Variants in SLC25A21 observed in about 807,000 individuals in gnomAD.
The protein encoded by SLC25A21 is solute carrier family 25 member 21.
Under a neutral mutation model 43.8 loss-of-function variants are expected in SLC25A21, and 47 were observed. The observed-to-expected ratio is 1.07, with a 90% CI of 0.85 to 1.37. The LOEUF is 1.37. SLC25A21 is among the 40% of genes most tolerant of loss of function. The probability of loss-of-function intolerance (pLI) is 0.00; values close to 1 mark genes in which losing one functional copy is unlikely to be tolerated. For missense variants in SLC25A21, 352 were observed against 350.2 expected (o/e 1.00, Z -0.04); for synonymous variants, 131 against 121.3 (o/e 1.08, Z -0.52).
At chr14:37,012,975 A>G (rs570492825) in intron 1 of SLC25A21, among the ~76,000 whole-genome samples, 34 of 152,372 alleles carry the variant, frequency 2.2e-4, no homozygotes, top group African/African-American at 7.9e-4. Context: ...AGAGCATGGT[A>G]TCAGACTTCT....
intron 7 of SLC25A21, among the ~76,000 whole-genome samples, chr14:36,696,302 C>T (rs1296371901): frequency 2.0e-5 from 3 of 151,672 alleles, no homozygotes; most frequent in African/African-American, 7.3e-5. Flanking sequence ...CTGCTGGATT[C>T]GGTTTGCCAG....
intron 1 of SLC25A21, among the ~76,000 whole-genome samples, chr14:37,144,941 T>C (rs1360606467): frequency 6.6e-6 from 1 of 151,714 alleles, no homozygotes; most frequent in Non-Finnish European, 1.5e-5. Flanking sequence ...GTTGTTGTTG[T>C]TGTTGTTGTT....
At chr14:36,943,075 G>C (rs1451923780) in intron 1 of SLC25A21, among the ~76,000 whole-genome samples, 1 of 152,168 alleles carries the variant, frequency 6.6e-6, no homozygotes, top group Non-Finnish European at 1.5e-5. Context: ...GCCAGAGAGA[G>C]TCACACATCA....
chr14:36,973,875 G>T (rs746547835), intron 1 of SLC25A21, among the ~76,000 whole-genome samples: 8 of 152,158 alleles, frequency 5.3e-5, no homozygotes, highest in Non-Finnish European at 8.8e-5. Flanking sequence ...GGCAGAATGA[G>T]AAGTAAGTGG....
In SLC25A21 at chr14:36,820,773, C is replaced by G. The variant is rs774680894; in HGVS notation, c.120-6772G>C. Among the ~76,000 whole-genome samples, 84 of 152,112 alleles carry G rather than the reference C, an allele frequency of 5.5e-4. 1 individual carries two copies. The highest frequency in any genetic ancestry group is 1.6e-4 in the Non-Finnish European group (11 of 68,022). On this transcript the variant is annotated intron_variant, in intron 2 of 9. Transcript: ENST00000331299. The stretch of plus-strand genomic sequence containing the variant: ...GGAGACTGCTAGAAAAAGTTGTATA[C>G]TGATAATAAGTGGTGATGAGCCTAA...
chr14:36,705,224 T>G (rs1027620191), intron 7 of SLC25A21, among the ~76,000 whole-genome samples: 1 of 151,994 alleles, frequency 6.6e-6, no homozygotes, highest in Non-Finnish European at 1.5e-5. Flanking sequence ...TTTTTGTATT[T>G]TTAGTAGAGA....
chr14:36,850,809 A>C (rs999459945), intron 2 of SLC25A21, among the ~76,000 whole-genome samples: 2 of 152,182 alleles, frequency 1.3e-5, no homozygotes, highest in African/African-American at 4.8e-5. Flanking sequence ...CTATTTAAGA[A>C]GCAATATTTT....
chr14:37,052,408 G>C (rs1419346369), intron 1 of SLC25A21, among the ~76,000 whole-genome samples: 8 of 152,180 alleles, frequency 5.3e-5, no homozygotes, highest in African/African-American at 1.9e-4. Context: ...TGACTCTTAA[G>C]GGAAGGGGCA....
At chr14:36,916,488 C>T (rs1256023816) in intron 1 of SLC25A21, among the ~76,000 whole-genome samples, 2 of 152,136 alleles carry the variant, frequency 1.3e-5, no homozygotes, top group Non-Finnish European at 2.9e-5. Context: ...TTGACTGAGG[C>T]TTCATTTAAA....
chr14:36,686,827 T>TG (rs1882573721), intron 7 of SLC25A21, among the ~76,000 whole-genome samples: 1 of 152,152 alleles, frequency 6.6e-6, no homozygotes, highest in Non-Finnish European at 1.5e-5. Context: ...GAGTTGGGGA[T>TG]GGAAGGTGAA....
intron 1 of SLC25A21, among the ~76,000 whole-genome samples, chr14:36,962,857 C>A (rs185710103): frequency 3.3e-5 from 5 of 152,296 alleles, no homozygotes; most frequent in African/African-American, 1.2e-4. Context: ...ATACCAAACA[C>A]ATGAAATTCA....
At chr14:36,952,112 A>G (rs527782805) in intron 1 of SLC25A21, among the ~76,000 whole-genome samples, 27 of 152,170 alleles carry the variant, frequency 1.8e-4, no homozygotes, top group Admixed American at 2.6e-4. Context: ...GCGTGCCTGT[A>G]ATCCCAGCTA....
At chr14:36,714,201 T>C (rs192624307) in intron 6 of SLC25A21, among the ~76,000 whole-genome samples, 93 of 152,332 alleles carry the variant, frequency 6.1e-4, no homozygotes, top group Non-Finnish European at 1.0e-4. Context: ...AGGTGATTTC[T>C]TTGTTAGTTG....
At chr14:36,922,903 C>A (rs185625511) in intron 1 of SLC25A21, among the ~76,000 whole-genome samples, 2 of 152,160 alleles carry the variant, frequency 1.3e-5, no homozygotes, top group East Asian at 3.9e-4. Flanking sequence ...GAAATCCAGA[C>A]CCTCAACAAG....
chr14:36,791,155 G>A (rs1486111099), intron 3 of SLC25A21, among the ~76,000 whole-genome samples: 1 of 152,078 alleles, frequency 6.6e-6, no homozygotes, highest in Non-Finnish European at 1.5e-5. Flanking sequence ...ACATTTCAGA[G>A]AGAAAATTAT....
At chr14:36,938,006 T>TA (rs201748094) in intron 1 of SLC25A21, among the ~76,000 whole-genome samples, 2 of 151,554 alleles carry the variant, frequency 1.3e-5, no homozygotes, top group East Asian at 1.9e-4. Flanking sequence ...CAACTTTTTT[T>TA]AAAAAAAAAT....
intron 1 of SLC25A21, among the ~76,000 whole-genome samples, chr14:37,144,943 G>GTTT (rs1399195416): frequency 6.6e-6 from 1 of 151,502 alleles, no homozygotes; most frequent in Non-Finnish European, 1.5e-5. Flanking sequence ...TGTTGTTGTT[G>GTTT]TTGTTGTTGT....
chr14:36,757,090 C>CAAA (rs58430384), intron 3 of SLC25A21, among the ~76,000 whole-genome samples: 13 of 125,804 alleles, frequency 1.0e-4, no homozygotes, highest in East Asian at 2.4e-4. Flanking sequence ...CCCATCTTTA[C>CAAA]AAAAAAAAAA....
At chr14:36,808,574 C>A (rs1356224915) in intron 3 of SLC25A21, among the ~76,000 whole-genome samples, 2 of 152,120 alleles carry the variant, frequency 1.3e-5, no homozygotes, top group Admixed American at 6.5e-5. Context: ...TTCTTTCCAG[C>A]CAATAAATAA....
Sources: gnomAD v4.1 joint callset for allele counts (sites outside exome capture counted in the v4.1 genomes callset) on GRCh38, gnomAD v4.1.1 for gene constraint, MANE v1.5 for transcripts, NCBI Gene and HGNC (gene_info 2026-07-23, HGNC 2026-07-21) for gene names.